KLRG2: variants seen among roughly 807,000 people sequenced by gnomAD.
KLRG2 encodes the protein killer cell lectin like receptor G2.
KLRG2 carries 39 observed loss-of-function variants against 35.4 expected under a neutral mutation model. That is an observed-to-expected ratio of 1.10 (90% CI 0.85 to 1.44). The LOEUF is 1.44. KLRG2 is among the 40% of genes most tolerant of loss of function. The pLI, the probability that KLRG2 is intolerant of heterozygous loss-of-function variation, is 0.00. For synonymous variants in KLRG2, 283 were observed against 265.8 expected, an observed-to-expected ratio of 1.06 and a Z score of -0.63; for missense variants, 632 against 570.9, an observed-to-expected ratio of 1.11 and a Z score of -1.09.
chr7:139,482,609 T>C (rs954566368), intron 1 of KLRG2, among the ~76,000 whole-genome samples: 1 of 152,122 alleles, frequency 6.6e-6, no homozygotes, highest in African/African-American at 2.4e-5. Flanking sequence ...GTCAGGCTGG[T>C]CTCGAACTCC....
Position 139,455,041 on chromosome 7 carries a change from T to C in KLRG2, c.1006-827A>G, listed in dbSNP as rs533109641. Reference sequence around the variant, plus strand: ...ATTTAAGATTTTTTTTTTTTTGAGATGGAGCCTTGCTCTGTCACCCAGGCT... The same window carrying C: ...ATTTAAGATTTTTTTTTTTTTGAGACGGAGCCTTGCTCTGTCACCCAGGCT... On this transcript the variant is annotated intron_variant, in intron 3 of 4. Coordinates refer to ENST00000340940, the MANE Select transcript of KLRG2 (RefSeq NM_198508.4). Among the ~76,000 whole-genome samples, 221 of 149,516 alleles carry C rather than the reference T, an allele frequency of 1.5e-3. 1 individual carries two copies. The highest frequency in any genetic ancestry group is 5.2e-3 in the African/African-American group (206 of 39,876).
chr7:139,465,986 TTC>T (rs1483954807), intron 3 of KLRG2, among the ~76,000 whole-genome samples: 1 of 152,182 alleles, frequency 6.6e-6, no homozygotes, highest in Non-Finnish European at 1.5e-5. Flanking sequence ...GCCCATTCTA[TTC>T]TGTCATCATT....
the KLRG2 span, among the ~76,000 whole-genome samples, chr7:139,438,927 C>T: frequency 7.8e-6 from 1 of 127,834 alleles, no homozygotes; most frequent in Non-Finnish European, 1.7e-5. Context: ...CCCTCCCCCC[C>T]CCCACCCCGC....
intron 1 of KLRG2, among the ~76,000 whole-genome samples, chr7:139,482,335 T>C (rs1796974770): frequency 6.6e-6 from 1 of 152,072 alleles, no homozygotes; most frequent in African/African-American, 2.4e-5. Flanking sequence ...CTGCGCATGC[T>C]AAGAGGGAAT....
downstream of KLRG2, among the ~76,000 whole-genome samples, chr7:139,448,557 C>T (rs904398844): frequency 3.9e-5 from 6 of 152,096 alleles, no homozygotes; most frequent in African/African-American, 1.2e-4. Context: ...AGGCTGGGCG[C>T]AGTGGCTCAC....
chr7:139,467,762 T>G (rs1206321788), intron 3 of KLRG2, among the ~76,000 whole-genome samples: 1 of 152,048 alleles, frequency 6.6e-6, no homozygotes, highest in Non-Finnish European at 1.5e-5. Flanking sequence ...CCCCATGGGA[T>G]AGTCTGAAAT....
chr7:139,466,745 TA>T (rs1029095163), intron 3 of KLRG2, among the ~76,000 whole-genome samples: 5 of 122,738 alleles, frequency 4.1e-5, no homozygotes, highest in Admixed American at 8.3e-5. Context: ...AAAAATAAAA[TA>T]AAAAAAATAA....
intron 4 of KLRG2, 46 bp downstream of exon 4, chr7:139,454,065 A>C: frequency 1.4e-4 from 151 of 1,079,232 alleles, no homozygotes; most frequent in Non-Finnish European, 1.9e-4. Flanking sequence ...GGAGAAATGG[A>C]GGATCCAGAA....
chr7:139,454,780 C>T (rs1796432146), intron 3 of KLRG2, among the ~76,000 whole-genome samples: 1 of 151,032 alleles, frequency 6.6e-6, no homozygotes, highest in Non-Finnish European at 1.5e-5. Flanking sequence ...TGCGCCACTG[C>T]ATTCCAGCCT....
rs1407500025 is a variant in KLRG2, at chr7:139,483,200, G to A, written c.443C>T (p.Thr148Met). The A allele has an allele frequency of 6.6e-7, 1 of 1,518,484 alleles. No individual in the cohort carries two copies. The highest frequency in any genetic ancestry group is 1.2e-5 in the South Asian group (1 of 81,384). The allele number at this position is 1,518,484 out of a possible 1,614,324, so 94.1% of individuals were successfully genotyped here. ...GGGCACCGGCACCTTGAGGAAGCGC[G>A]TGGAGGGCCTGGGCGATGGCGTGCT... ...GSSTPSPRPSTRFLKVPVPES... is the reference protein window; with the variant it reads ...GSSTPSPRPSMRFLKVPVPES... The change falls in exon 1 of 5, where the codon ACG becomes ATG. Residue 148 changes from threonine (T) to methionine (M), a missense_variant. Coordinates refer to ENST00000340940, the MANE Select transcript of KLRG2 (RefSeq NM_198508.4).
chr7:139,451,629 T>C (rs1230376826), downstream of KLRG2, among the ~76,000 whole-genome samples: 2 of 152,184 alleles, frequency 1.3e-5, no homozygotes, highest in Non-Finnish European at 2.9e-5. Flanking sequence ...CTGCCACTAA[T>C]ACCTTTCTAG....
intron 3 of KLRG2, among the ~76,000 whole-genome samples, chr7:139,474,237 G>A (rs1046067123): frequency 5.9e-5 from 9 of 151,940 alleles, no homozygotes; most frequent in African/African-American, 1.2e-4. Flanking sequence ...TGTTGCGTAG[G>A]CTGATCTCGA....
At position 139,480,228 on chromosome 7, in the gene KLRG2, C is replaced by T; in HGVS notation, c.777G>A (p.Lys259=). 2 of 1,610,240 alleles carry T rather than the reference C, an allele frequency of 1.2e-6. No homozygotes were observed. Among genetic ancestry groups the T allele is most frequent in the South Asian group, 2.2e-5 (2 of 91,000 alleles). The change falls in exon 2 of 5, where the codon AAG becomes AAA. Residue 259 remains lysine, a synonymous_variant. Transcript: ENST00000340940. ...TGAACGCCAGGGCCCAGTACAGGGA[C>T]TTCACGTACATGGGTAGCCCTGGGA... ...VTLTGLPMYV[K]SLYWALAFMA...
intron 3 of KLRG2, among the ~76,000 whole-genome samples, chr7:139,465,678 T>TGA (rs1391598276): frequency 7.7e-6 from 1 of 130,718 alleles, no homozygotes; most frequent in East Asian, 2.1e-4. Flanking sequence ...GGCGAGAGTG[T>TGA]GAGACTCTGT....
chr7:139,466,637 T>C (rs1796657709), intron 3 of KLRG2, among the ~76,000 whole-genome samples: 1 of 152,110 alleles, frequency 6.6e-6, no homozygotes, highest in African/African-American at 2.4e-5. Context: ...TCAATCTCAG[T>C]CACTCTCTCC....
the KLRG2 span, among the ~76,000 whole-genome samples, chr7:139,445,767 G>GTATATATATATA: frequency 6.7e-5 from 6 of 89,632 alleles, no homozygotes; most frequent in African/African-American, 5.0e-4. Context: ...ATATGTGTAT[G>GTATATATATATA]TATATATATA....
chr7:139,475,242 T>G (rs983053174), intron 3 of KLRG2, among the ~76,000 whole-genome samples: 3 of 152,166 alleles, frequency 2.0e-5, no homozygotes, highest in Admixed American at 6.6e-5. Flanking sequence ...GAGTGAGAAC[T>G]TGTCCCAGGC....
intron 3 of KLRG2, among the ~76,000 whole-genome samples, chr7:139,461,788 C>T (rs191021793): frequency 6.1e-4 from 93 of 152,276 alleles, no homozygotes; most frequent in Middle Eastern, 3.4e-3. Flanking sequence ...AGCCCGCCTG[C>T]ACCCAGGTTA....
chr7:139,481,950 G>C (rs543097453), intron 1 of KLRG2, among the ~76,000 whole-genome samples: 1 of 151,714 alleles, frequency 6.6e-6, no homozygotes, highest in African/African-American at 2.4e-5. Flanking sequence ...AAAGAAAAAA[G>C]AAAAAAAGAA....
Sources: allele counts gnomAD v4.1 joint callset (sites outside exome capture counted in the v4.1 genomes callset), GRCh38; gene constraint gnomAD v4.1.1; transcripts MANE v1.5; gene names NCBI Gene and HGNC (gene_info 2026-07-23, HGNC 2026-07-21).